Variants in MYH9 observed in about 807,000 individuals in gnomAD.
MYH9 encodes the protein myosin-9.
Under a neutral mutation model 241.9 loss-of-function variants are expected in MYH9, and 29 were observed. That is an observed-to-expected ratio of 0.12 (90% CI 0.09 to 0.16). The LOEUF is 0.16. Among genes scored for constraint, MYH9 ranks in the 10% least tolerant of loss-of-function variants. The pLI is 1.00. For missense variants in MYH9, 1,803 were observed against 2,595.5 expected, an observed-to-expected ratio of 0.69 and a Z score of 6.63; for synonymous variants, 1,047 against 1,062.6, an observed-to-expected ratio of 0.99 and a Z score of 0.29.
At chr22:36,316,735 C>G in intron 11 of MYH9, 66 bp from the exon 12 acceptor site, 2 of 1,591,902 alleles carry the variant, frequency 1.3e-6, no homozygotes, top group Non-Finnish European at 1.7e-6. Flanking sequence ...ATACCCTATG[C>G]CCCAGTAATT....
chr22:36,369,173 C>T (rs1486953440), intron 1 of MYH9, among the ~76,000 whole-genome samples: 1 of 152,216 alleles, frequency 6.6e-6, no homozygotes. Context: ...GACTGATCTT[C>T]AGCATCGTAC....
At chr22:36,349,874 A>G (rs898385274) in intron 1 of MYH9, among the ~76,000 whole-genome samples, 5 of 152,238 alleles carry the variant, frequency 3.3e-5, no homozygotes, top group African/African-American at 1.2e-4. Context: ...AAAGGTAGCA[A>G]AGTAGCCACA....
At chr22:36,328,460 T>C (rs964017940) in intron 3 of MYH9, among the ~76,000 whole-genome samples, 1 of 152,232 alleles carries the variant, frequency 6.6e-6, no homozygotes, top group African/African-American at 2.4e-5. Flanking sequence ...TGAAGTCAAA[T>C]TGGCCTGAAT....
intron 1 of MYH9, among the ~76,000 whole-genome samples, chr22:36,377,985 A>G (rs1907708095): frequency 6.6e-6 from 1 of 151,112 alleles, no homozygotes; most frequent in Non-Finnish European, 1.5e-5. Context: ...ACTATGAAGA[A>G]AAGGAGAAGC....
At position 36,307,929 on chromosome 22, in the gene MYH9, C is replaced by A. The variant is rs527874930; in HGVS notation, c.1844-1322G>T. Among the ~76,000 whole-genome samples the A allele has an allele frequency of 2.0e-5, 3 of 152,080 alleles. No individual in the cohort carries two copies. In the South Asian group the frequency reaches 6.2e-4, roughly 32 times the overall value. On this transcript the variant is annotated intron_variant, in intron 15 of 40. Coordinates refer to ENST00000216181, the MANE Select transcript of MYH9 (RefSeq NM_002473.6). Reference sequence around the variant, plus strand: ...GGGAGTCATCTTTGACCTTATGTACCCACCACAGGGTCAATATTCCTGGCT... The same window carrying A: ...GGGAGTCATCTTTGACCTTATGTACACACCACAGGGTCAATATTCCTGGCT...
chr22:36,291,866 C>T (rs2285111), intron 31 of MYH9, 120 bp downstream of exon 31: 47,718 of 1,478,376 alleles, frequency 0.032, 1,080 homozygotes, highest in East Asian at 0.1. Context: ...GCACTGGCCC[C>T]GCACGGCCCC....
intron 1 of MYH9, among the ~76,000 whole-genome samples, chr22:36,367,081 C>T (rs2018022280): frequency 6.6e-6 from 1 of 152,182 alleles, no homozygotes; most frequent in Non-Finnish European, 1.5e-5. Flanking sequence ...GGTCCATGGA[C>T]TTTTAGGAGT....
intron 13 of MYH9, among the ~76,000 whole-genome samples, chr22:36,313,376 CG>C (rs1180981220): frequency 7.0e-5 from 10 of 143,266 alleles, no homozygotes; most frequent in African/African-American, 2.6e-4. Context: ...GGCATGAACC[CG>C]GAAGGCGGAG....
chr22:36,365,088 G>C (rs1458515686), intron 1 of MYH9: 1 of 150,284 alleles, frequency 6.7e-6, no homozygotes, highest in Admixed American at 6.7e-5. Flanking sequence ...AGCTGGGCTC[G>C]GGGCAGCCCC....
At position 36,301,781 on chromosome 22, in the gene MYH9, C is replaced by T. The variant is rs1043809546; in HGVS notation, c.2500-116G>A. The T allele has an allele frequency of 5.9e-5, 84 of 1,416,616 alleles. No homozygotes were observed. The South Asian group carries it at 8.2e-4, about 14-fold the overall frequency. The allele number at this position is 1,416,616 out of a possible 1,614,324, so 87.8% of individuals were successfully genotyped here. ...CATGAAAGTGAGGGGCAAGAAGACA[C>T]GCTGTGGTGGGGGCTGCAAGCAGGC... On this transcript the variant is annotated intron_variant, in intron 20 of 40. Transcript: ENST00000216181.
At chr22:36,334,938 CCA>C (rs2017476068) in intron 3 of MYH9, among the ~76,000 whole-genome samples, 1 of 152,138 alleles carries the variant, frequency 6.6e-6, no homozygotes, top group South Asian at 2.1e-4. Flanking sequence ...AGTCCAAAAC[CCA>C]CAGTCTCTCC....
Position 36,285,343 on chromosome 22 carries a change from G to C in MYH9, c.5275-14C>G. On this transcript the variant is annotated splice_polypyrimidine_tract_variant and intron_variant, in intron 37 of 40. Transcript: ENST00000216181. The surrounding 1 kb of genome is among the most constrained non-coding windows in gnomAD (Gnocchi z 7.0). ...GATCTGGTCGATCTGCAGAAGAAGGGCCAGTGACCTTGGGGAGGGCTGGGG... is the reference window on the plus strand; with the variant it reads ...GATCTGGTCGATCTGCAGAAGAAGGCCCAGTGACCTTGGGGAGGGCTGGGG... 1 of 1,605,410 alleles carries C rather than the reference G, an allele frequency of 6.2e-7. No individual in the cohort carries two copies. Among genetic ancestry groups the C allele is most frequent in the Non-Finnish European group, 8.5e-7 (1 of 1,179,778 alleles).
chr22:36,329,802 CAT>C lies in MYH9; in HGVS notation c.491-2316_491-2315del, dbSNP rs950066823. Among the ~76,000 whole-genome samples the C allele has an allele frequency of 1.3e-5, 2 of 152,320 alleles. No homozygotes were observed. The highest frequency in any genetic ancestry group is 1.5e-5 in the Non-Finnish European group (1 of 68,032). On this transcript the variant is annotated intron_variant, in intron 3 of 40. Transcript: ENST00000216181. The surrounding 1 kb of genome is among the most constrained non-coding windows in gnomAD (Gnocchi z 4.1). ...GCACGCACAAGGGCATGGACACACA[CAT>C]AGACACGCAAGCATCTGTGCATACA... is the stretch of plus-strand genomic sequence containing the variant.
Position 36,285,796 on chromosome 22 carries a change from G to T in MYH9, c.5151-15C>A. 1 of 1,610,486 alleles carries T rather than the reference G, an allele frequency of 6.2e-7. No homozygotes were observed. The highest frequency in any genetic ancestry group is 8.5e-7 in the Non-Finnish European group (1 of 1,178,736). On this transcript the variant is annotated splice_polypyrimidine_tract_variant and intron_variant, in intron 36 of 40. Transcript: ENST00000216181. The surrounding 1 kb of genome is among the most constrained non-coding windows in gnomAD (Gnocchi z 7.0). ...ACGCCAGGGCTCTGCGGGGTGGGCGGGAGAAGTGAGGGGCCTACCCTGGGG... is the reference window on the plus strand; with the variant it reads ...ACGCCAGGGCTCTGCGGGGTGGGCGTGAGAAGTGAGGGGCCTACCCTGGGG...
At chr22:36,317,379 C>T (rs764144249) in intron 11 of MYH9, among the ~76,000 whole-genome samples, 4 of 151,870 alleles carry the variant, frequency 2.6e-5, no homozygotes, top group Non-Finnish European at 4.4e-5. Flanking sequence ...TTCCTTCTCT[C>T]GATTTTTCTG....
In MYH9 at chr22:36,303,986, G is replaced by A. The variant is rs535084033; in HGVS notation, c.2390+9C>T. 32 of 1,613,188 alleles carry A rather than the reference G, an allele frequency of 2.0e-5. No individual in the cohort carries two copies. Among genetic ancestry groups the A allele is most frequent in the East Asian group, 4.5e-5 (2 of 44,856 alleles). On this transcript the variant is annotated intron_variant, in intron 19 of 40. Transcript: ENST00000216181. ...GGCATGCGGGGCAGGAGTATCTCCCGGGACTCACTTCCTGGCCAGGTAGCC... is the reference window on the plus strand; with the variant it reads ...GGCATGCGGGGCAGGAGTATCTCCCAGGACTCACTTCCTGGCCAGGTAGCC...
rs952065981 is a variant in MYH9, at chr22:36,301,727, G to A, written c.2500-62C>T. On this transcript the variant is annotated intron_variant, in intron 20 of 40. Coordinates refer to ENST00000216181, the MANE Select transcript of MYH9 (RefSeq NM_002473.6). ...GGAAGATGCCCGCCTCTGCCAACAG[G>A]TGTGAGGCCTCTCCCTCACCTCTGG... 4 of 1,600,032 alleles carry A rather than the reference G, an allele frequency of 2.5e-6. No homozygotes were observed. In the African/African-American group the frequency reaches 4.0e-5, roughly 16 times the overall value.
Position 36,285,025 on chromosome 22 carries a change from CAGAG to C in MYH9, c.5483+92_5483+95del. 2.6e-6 allele frequency: 3 copies of C among 1,165,448 alleles called. No homozygotes were observed. The highest frequency in any genetic ancestry group is 2.7e-4 in the Middle Eastern group (1 of 3,668). The allele number at this position is 1,165,448 out of a possible 1,614,324, so 72.2% of individuals were successfully genotyped here. A position where few individuals can be genotyped will look rare whatever the true frequency, so the allele number is the denominator to read the frequency against. ...GGGAAACAGCCCCAGGCTCAGGAGACAGAGAGCTGGTTGTGGCCCAGATTTGGGC... is the reference window on the plus strand; with the variant it reads ...GGGAAACAGCCCCAGGCTCAGGAGACAGCTGGTTGTGGCCCAGATTTGGGC... On this transcript the variant is annotated intron_variant, in intron 38 of 40. Coordinates refer to ENST00000216181, the MANE Select transcript of MYH9 (RefSeq NM_002473.6). This position sits in a 1 kb window ranked among gnomAD's most constrained non-coding sequence, Gnocchi z 7.0.
intron 1 of MYH9, among the ~76,000 whole-genome samples, chr22:36,378,679 C>T (rs2018209052): frequency 6.6e-6 from 1 of 152,080 alleles, no homozygotes; most frequent in Non-Finnish European, 1.5e-5. Context: ...TTCAGAGAAA[C>T]CCAAAACACT....
Sources: gnomAD v4.1 joint callset for allele counts (sites outside exome capture counted in the v4.1 genomes callset) on GRCh38, gnomAD v4.1.1 for gene constraint, Gnocchi (gnomAD v3.1) non-coding constraint, MANE v1.5 for transcripts, NCBI Gene and HGNC (gene_info 2026-07-23, HGNC 2026-07-21) for gene names.